CDK14: variants seen among roughly 807,000 people sequenced by gnomAD.
CDK14 encodes cyclin dependent kinase 14.
In CDK14, 34 loss-of-function variants were observed where a neutral mutation model predicts 60.7. The observed-to-expected ratio is 0.56, with a 90% CI of 0.43 to 0.75. The LOEUF (loss-of-function observed/expected upper bound fraction) is 0.75, where lower values mean the gene tolerates loss of function less well. Among genes scored for constraint, CDK14 ranks in the 30% least tolerant of loss-of-function variants. CDK14 has a pLI of 0.00. For missense variants in CDK14, 482 were observed against 564.1 expected, an observed-to-expected ratio of 0.85 and a Z score of 1.47; for synonymous variants, 197 against 203.7, an observed-to-expected ratio of 0.97 and a Z score of 0.28.
At chr7:90,624,507 T>C (rs774516890) in intron 2 of CDK14, among the ~76,000 whole-genome samples, 27 of 152,078 alleles carry the variant, frequency 1.8e-4, no homozygotes, top group Non-Finnish European at 5.9e-5. Context: ...TTTGTATTCT[T>C]TAGGTACCTC....
At chr7:90,823,099 C>T (rs980634893) in intron 5 of CDK14, among the ~76,000 whole-genome samples, 2 of 152,122 alleles carry the variant, frequency 1.3e-5, no homozygotes, top group South Asian at 4.1e-4. Flanking sequence ...AAAGTTGGCC[C>T]TCTGTGTCCA....
chr7:90,803,702 A>G (rs550782573), intron 5 of CDK14, among the ~76,000 whole-genome samples: 1 of 152,310 alleles, frequency 6.6e-6, no homozygotes, highest in South Asian at 2.1e-4. Flanking sequence ...TGTTTGTTGT[A>G]TCTAAATTGA....
chr7:90,635,289 C>G (rs1374421061), intron 2 of CDK14, among the ~76,000 whole-genome samples: 2 of 152,160 alleles, frequency 1.3e-5, no homozygotes, highest in Non-Finnish European at 2.9e-5. Context: ...AGTCTTTAAT[C>G]CATCTTGAAT....
At chr7:90,796,214 T>TTAGAGTTGGGCATATTAGGGACAAAAA (rs1788421897) in intron 5 of CDK14, among the ~76,000 whole-genome samples, 2 of 152,082 alleles carry the variant, frequency 1.3e-5, no homozygotes, top group Non-Finnish European at 2.9e-5. Flanking sequence ...TCTGAAGACT[T>TTAGAGTTGGGCATATTAGGGACAAAAA]TAGAGTTGGG....
chr7:90,653,597 C>T (rs1037562858), intron 2 of CDK14, among the ~76,000 whole-genome samples: 3 of 152,088 alleles, frequency 2.0e-5, no homozygotes, highest in African/African-American at 7.2e-5. Context: ...CATTTGAATG[C>T]ATCATGCCCA....
chr7:90,674,917 C>A (rs1801167152), intron 2 of CDK14, among the ~76,000 whole-genome samples: 1 of 152,192 alleles, frequency 6.6e-6, no homozygotes, highest in Non-Finnish European at 1.5e-5. Flanking sequence ...TCAGCTCTGT[C>A]CATCTGGAAT....
Position 90,685,439 on chromosome 7 carries a change from C to T in CDK14, c.124-41128C>T, listed in dbSNP as rs200277420. 1.2e-4 allele frequency among the ~76,000 whole-genome samples: 18 copies of T among 152,002 alleles called. No individual in the cohort carries two copies. In the East Asian group the frequency reaches 3.3e-3, roughly 28 times the overall value. On this transcript the variant is annotated intron_variant, in intron 2 of 14. Coordinates refer to ENST00000380050, the MANE Select transcript of CDK14 (RefSeq NM_001287135.2). ...CTTGTTTCAAAATTTAAAACATTTT[C>T]TATTGAGATTTTGATTAGCCTGGCA... is the stretch of plus-strand genomic sequence containing the variant.
chr7:90,830,654 A>C (rs1270519380), intron 5 of CDK14, among the ~76,000 whole-genome samples: 2 of 152,180 alleles, frequency 1.3e-5, no homozygotes, highest in Non-Finnish European at 2.9e-5. Context: ...TCAGGCTGGA[A>C]ATTTTCCAAA....
chr7:90,667,632 C>T (rs968038149), intron 2 of CDK14, among the ~76,000 whole-genome samples: 2 of 151,346 alleles, frequency 1.3e-5, no homozygotes, highest in Non-Finnish European at 2.9e-5. Flanking sequence ...TACAGTGGCG[C>T]GGTCTCTGCT....
intron 7 of CDK14, among the ~76,000 whole-genome samples, chr7:90,904,449 A>T (rs1202729028): frequency 1.3e-5 from 2 of 152,176 alleles, no homozygotes; most frequent in African/African-American, 4.8e-5. Flanking sequence ...TATTTTTGAG[A>T]AGCAGAATTT....
chr7:90,679,781 T>G (rs1024268031), intron 2 of CDK14, among the ~76,000 whole-genome samples: 4 of 152,266 alleles, frequency 2.6e-5, no homozygotes, highest in African/African-American at 9.6e-5. Context: ...CTATGCTGTA[T>G]GATTTCTTGT....
intron 12 of CDK14, among the ~76,000 whole-genome samples, chr7:91,099,669 G>A (rs2116309502): frequency 6.6e-6 from 1 of 152,206 alleles, no homozygotes; most frequent in South Asian, 2.1e-4. Flanking sequence ...AGTAGGAGAG[G>A]GCTATTAACT....
chr7:90,778,845 G>T lies in CDK14; in HGVS notation c.465-11728G>T, dbSNP rs76085689. Among the ~76,000 whole-genome samples, 194 of 117,680 alleles carry T rather than the reference G, an allele frequency of 1.6e-3. 1 individual carries two copies. Among genetic ancestry groups the T allele is most frequent in the African/African-American group, 6.4e-3 (177 of 27,842 alleles). 77.2% of individuals were successfully genotyped at this position (117,680 alleles called of 152,430 possible). ...TTCCTGTGGAATGTAAAAATTGACC[G>T]ACCTTCCTTCCTTCCTTCCTTCCTT... On this transcript the variant is annotated intron_variant, in intron 4 of 14. Coordinates refer to ENST00000380050, the MANE Select transcript of CDK14 (RefSeq NM_001287135.2).
At chr7:90,635,246 C>T (rs1452642647) in intron 2 of CDK14, among the ~76,000 whole-genome samples, 1 of 152,174 alleles carries the variant, frequency 6.6e-6, no homozygotes, top group Non-Finnish European at 1.5e-5. Context: ...AGGTTTTCTT[C>T]TAGGGTTTTT....
At chr7:90,754,220 AT>A (rs1803964396) in intron 4 of CDK14, among the ~76,000 whole-genome samples, 1 of 152,164 alleles carries the variant, frequency 6.6e-6, no homozygotes, top group South Asian at 2.1e-4. Context: ...CACTACCTGA[AT>A]TCAAACTATA....
chr7:90,899,048 A>G (rs1247699405), intron 6 of CDK14, among the ~76,000 whole-genome samples: 1 of 151,928 alleles, frequency 6.6e-6, no homozygotes, highest in Non-Finnish European at 1.5e-5. Context: ...AATTATGGAC[A>G]TGTATTCTTT....
chr7:91,111,202 T>C (rs1313400410), intron 12 of CDK14, among the ~76,000 whole-genome samples: 1 of 152,196 alleles, frequency 6.6e-6, no homozygotes, highest in African/African-American at 2.4e-5. Context: ...TTCTTTGCTT[T>C]TCCCCTTTTT....
At chr7:90,957,467 C>T (rs1026206835) in intron 9 of CDK14, among the ~76,000 whole-genome samples, 3 of 152,036 alleles carry the variant, frequency 2.0e-5, no homozygotes, top group African/African-American at 4.8e-5. Flanking sequence ...TGTCTCAGCC[C>T]AAAATCTCCT....
chr7:91,124,085 G>A (rs1054901926), intron 14 of CDK14, among the ~76,000 whole-genome samples: 9 of 151,896 alleles, frequency 5.9e-5, no homozygotes, highest in Non-Finnish European at 1.0e-4. Context: ...ATGGAGTCTC[G>A]CTATGTTGTC....
Sources: gnomAD v4.1 joint callset for allele counts (sites outside exome capture counted in the v4.1 genomes callset) on GRCh38, gnomAD v4.1.1 for gene constraint, MANE v1.5 for transcripts, NCBI Gene and HGNC (gene_info 2026-07-23, HGNC 2026-07-21) for gene names.